CSMD1: variants seen among roughly 807,000 people sequenced by gnomAD.
CSMD1 encodes the protein CUB and sushi domain-containing protein 1.
Under a neutral mutation model 417.5 loss-of-function variants are expected in CSMD1, and 213 were observed. That is an observed-to-expected ratio of 0.51 (90% confidence interval 0.46 to 0.57). The LOEUF (loss-of-function observed/expected upper bound fraction) is 0.57. Among genes scored for constraint, CSMD1 ranks in the 20% least tolerant of loss-of-function variants. CSMD1 has a pLI of 0.00. For synonymous variants in CSMD1, 2,862 were observed against 1,736.8 expected, an observed-to-expected ratio of 1.65 and a Z score of -16.11; for missense variants, 6,923 against 4,529.7, an observed-to-expected ratio of 1.53 and a Z score of -15.17.
At chr8:3,446,308 T>C in intron 12 of CSMD1, among the ~76,000 whole-genome samples, 1 of 152,236 alleles carries the variant, frequency 6.6e-6, no homozygotes, top group East Asian at 1.9e-4. Flanking sequence ...TCTTTACCTT[T>C]TCAGATCATT....
chr8:4,659,053 A>T (rs1804420387), intron 1 of CSMD1, among the ~76,000 whole-genome samples: 1 of 152,190 alleles, frequency 6.6e-6, no homozygotes, highest in Admixed American at 6.5e-5. Context: ...AAAAATACAT[A>T]AACAAGAAAA....
intron 1 of CSMD1, among the ~76,000 whole-genome samples, chr8:4,932,486 C>A (rs7841741): frequency 1.3e-5 from 2 of 151,874 alleles, no homozygotes; most frequent in Non-Finnish European, 2.9e-5. Context: ...CTCATTAAGG[C>A]CTATTTCAAT....
intron 25 of CSMD1, among the ~76,000 whole-genome samples, chr8:3,300,543 G>A (rs537065008): frequency 6.6e-6 from 1 of 152,192 alleles, no homozygotes; most frequent in East Asian, 1.9e-4. Context: ...GACATATGAG[G>A]ATGCTCACAC....
chr8:3,014,103 T>C (rs1808640012), intron 52 of CSMD1, among the ~76,000 whole-genome samples: 1 of 152,180 alleles, frequency 6.6e-6, no homozygotes, highest in Admixed American at 6.5e-5. Context: ...ATTTTGTTTG[T>C]CCTATCGTGA....
At chr8:4,285,976 T>C (rs1019280640) in intron 3 of CSMD1, among the ~76,000 whole-genome samples, 1 of 152,156 alleles carries the variant, frequency 6.6e-6, no homozygotes, top group Non-Finnish European at 1.5e-5. Context: ...ACGTATGCAG[T>C]GAGTCACCTT....
At chr8:4,951,142 G>A (rs1245073901) in intron 1 of CSMD1, among the ~76,000 whole-genome samples, 1 of 152,064 alleles carries the variant, frequency 6.6e-6, no homozygotes, top group Non-Finnish European at 1.5e-5. Context: ...CTCTTGGACT[G>A]TCCCCTTGTT....
intron 49 of CSMD1, among the ~76,000 whole-genome samples, chr8:3,084,149 G>A (rs1296533082): frequency 6.6e-6 from 1 of 152,148 alleles, no homozygotes; most frequent in African/African-American, 2.4e-5. Context: ...AAAAGCAGCT[G>A]AAAACCCACA....
At chr8:3,741,961 T>G (rs1219186104) in intron 6 of CSMD1, among the ~76,000 whole-genome samples, 1 of 147,460 alleles carries the variant, frequency 6.8e-6, no homozygotes, top group Non-Finnish European at 1.5e-5. Context: ...CTAATTCCAC[T>G]TTTTCCAAAG....
At chr8:4,456,748 C>T (rs1041860843) in intron 2 of CSMD1, among the ~76,000 whole-genome samples, 1 of 152,042 alleles carries the variant, frequency 6.6e-6, no homozygotes, top group Non-Finnish European at 1.5e-5. Flanking sequence ...TGTCTAGTTG[C>T]TAGATCCTAG....
chr8:4,553,512 A>G (rs886441877), intron 2 of CSMD1, among the ~76,000 whole-genome samples: 3 of 152,096 alleles, frequency 2.0e-5, no homozygotes, highest in Non-Finnish European at 4.4e-5. Flanking sequence ...AGACTGCTTA[A>G]AAAGAGTTTT....
At chr8:3,476,760 A>C (rs969301163) in intron 11 of CSMD1, among the ~76,000 whole-genome samples, 2 of 152,032 alleles carry the variant, frequency 1.3e-5, no homozygotes, top group Non-Finnish European at 2.9e-5. Context: ...TCTACTAAAA[A>C]TATGAACATT....
intron 26 of CSMD1, among the ~76,000 whole-genome samples, chr8:3,232,016 G>A (rs1210851610): frequency 6.6e-6 from 1 of 152,164 alleles, no homozygotes; most frequent in Admixed American, 6.5e-5. Context: ...ATATACATGT[G>A]TGTATCTATA....
chr8:3,752,886 C>T (rs1219233838), intron 6 of CSMD1, among the ~76,000 whole-genome samples: 6 of 151,908 alleles, frequency 3.9e-5, no homozygotes, highest in South Asian at 2.1e-4. Flanking sequence ...CTGAAGGAAA[C>T]GATGAAAGCA....
At chr8:3,664,009 G>T (rs756962209) in intron 7 of CSMD1, among the ~76,000 whole-genome samples, 1 of 152,168 alleles carries the variant, frequency 6.6e-6, no homozygotes, top group Non-Finnish European at 1.5e-5. Context: ...TGGATGGCTT[G>T]AGTTAAAGTT....
chr8:3,230,507 A>T (rs1227294520), intron 26 of CSMD1, among the ~76,000 whole-genome samples: 4 of 152,210 alleles, frequency 2.6e-5, no homozygotes, highest in African/African-American at 9.6e-5. Flanking sequence ...AAATTACATT[A>T]TCCTTAGAAT....
intron 3 of CSMD1, among the ~76,000 whole-genome samples, chr8:4,248,133 G>T (rs1022163819): frequency 6.6e-6 from 1 of 151,680 alleles, no homozygotes; most frequent in Non-Finnish European, 1.5e-5. Context: ...TAAACAAATG[G>T]GCTATTTTGT....
rs552162351 is a variant in CSMD1 at position 4,832,623 on chromosome 8, G to A, written c.85+161709C>T. 2.7e-4 allele frequency among the ~76,000 whole-genome samples: 41 copies of A among 152,294 alleles called. No individual in the cohort carries two copies. In the South Asian group the frequency reaches 8.1e-3, roughly 30 times the overall value. ...AGCTGACACTTAGGGATTATAGTAA[G>A]TGTCAAATCTATCTGCTAAATGCTT... On this transcript the variant is annotated intron_variant, in intron 1 of 69. Transcript: ENST00000635120.
At chr8:3,260,224 A>G (rs1171833520) in intron 26 of CSMD1, among the ~76,000 whole-genome samples, 1 of 152,164 alleles carries the variant, frequency 6.6e-6, no homozygotes, top group Non-Finnish European at 1.5e-5. Context: ...CTCTTTATGC[A>G]TATAACTAGG....
intron 23 of CSMD1, among the ~76,000 whole-genome samples, chr8:3,329,493 T>G (rs1806753669): frequency 6.6e-6 from 1 of 152,148 alleles, no homozygotes; most frequent in African/African-American, 2.4e-5. Flanking sequence ...ACACACAGAC[T>G]ACTGTTATCT....
Sources: gnomAD v4.1 joint callset for allele counts (sites outside exome capture counted in the v4.1 genomes callset) on GRCh38, gnomAD v4.1.1 for gene constraint, MANE v1.5 for transcripts, NCBI Gene and HGNC (gene_info 2026-07-23, HGNC 2026-07-21) for gene names.